Variants in KCNQ1 observed in about 807,000 individuals in gnomAD.
KCNQ1 encodes potassium voltage-gated channel subfamily KQT member 1.
KCNQ1 carries 49 observed loss-of-function variants against 72.4 expected under a neutral mutation model. That is an observed-to-expected ratio of 0.68 (90% confidence interval 0.54 to 0.86). KCNQ1 has a LOEUF of 0.86. KCNQ1 is among the 40% of genes least tolerant of loss of function. The pLI is 0.00. For synonymous variants in KCNQ1, 450 were observed against 412.6 expected, an observed-to-expected ratio of 1.09 and a Z score of -1.10; for missense variants, 790 against 945.1, an observed-to-expected ratio of 0.84 and a Z score of 2.15.
intron 15 of KCNQ1, among the ~76,000 whole-genome samples, chr11:2,820,599 A>G (rs1847712388): frequency 6.6e-6 from 1 of 150,558 alleles, no homozygotes; most frequent in Admixed American, 6.6e-5. Flanking sequence ...TGTTAGTTTC[A>G]CCCACTGTGG....
chr11:2,714,552 T>G (rs1851057213), intron 11 of KCNQ1, among the ~76,000 whole-genome samples: 7 of 151,680 alleles, frequency 4.6e-5, no homozygotes, highest in Admixed American at 4.6e-4. Flanking sequence ...ATGGAGGAGC[T>G]CACAGCTGCA....
intron 15 of KCNQ1, among the ~76,000 whole-genome samples, chr11:2,798,235 C>T (rs1366736414): frequency 1.3e-5 from 2 of 152,220 alleles, no homozygotes; most frequent in East Asian, 3.9e-4. Flanking sequence ...CCGTCCACGC[C>T]CTGGGTTCCC....
Position 2,724,911 on chromosome 11 carries a change from G to C in KCNQ1, c.1515-43933G>C, listed in dbSNP as rs1209300588. On this transcript the variant is annotated intron_variant, in intron 11 of 15. Transcript: ENST00000155840. This position sits in a 1 kb window ranked among gnomAD's most constrained non-coding sequence, Gnocchi z 6.8. ...ACGGTGGTCTCTGTCACAGGGTAGAGATGACTGATCCAGTAACCTGGACAG... is the reference window on the plus strand; with the variant it reads ...ACGGTGGTCTCTGTCACAGGGTAGACATGACTGATCCAGTAACCTGGACAG... Among the ~76,000 whole-genome samples, 1 of 152,220 alleles carries C rather than the reference G, an allele frequency of 6.6e-6. No individual in the cohort carries two copies. Among genetic ancestry groups the C allele is most frequent in the Non-Finnish European group, 1.5e-5 (1 of 68,038 alleles).
In KCNQ1 at chr11:2,546,230, T is replaced by C. The variant is rs986693986; in HGVS notation, c.477+18212T>C. 2.0e-5 allele frequency among the ~76,000 whole-genome samples: 3 copies of C among 152,214 alleles called. No individual in the cohort carries two copies. In the East Asian group the frequency reaches 5.8e-4, roughly 29 times the overall value. Reference sequence around the variant, plus strand: ...GGTGTATGCATTATTTAAAAGTGTATTCAAAACATTTAGGGATTTTCAAGA... The same window carrying C: ...GGTGTATGCATTATTTAAAAGTGTACTCAAAACATTTAGGGATTTTCAAGA... On this transcript the variant is annotated intron_variant, in intron 2 of 15. Coordinates refer to ENST00000155840, the MANE Select transcript of KCNQ1 (RefSeq NM_000218.3).
chr11:2,775,398 A>C (rs1217497629), intron 12 of KCNQ1, among the ~76,000 whole-genome samples: 1 of 152,210 alleles, frequency 6.6e-6, no homozygotes, highest in African/African-American at 2.4e-5. Context: ...ACCCACAGCA[A>C]GTGCTGCAGG....
intron 6 of KCNQ1, among the ~76,000 whole-genome samples, chr11:2,580,304 GC>G (rs1848480526): frequency 6.6e-6 from 1 of 152,072 alleles, no homozygotes; most frequent in African/African-American, 2.4e-5. Context: ...GCCCCTTGGT[GC>G]CCCTGACGGA....
At chr11:2,512,249 C>T (rs915478036) in intron 1 of KCNQ1, among the ~76,000 whole-genome samples, 5 of 152,218 alleles carry the variant, frequency 3.3e-5, no homozygotes, top group African/African-American at 9.6e-5. Flanking sequence ...GACTCAGGGC[C>T]CTACGGGTGC....
chr11:2,458,683 G>GGATCGATC lies in KCNQ1; in HGVS notation c.386+13204_386+13211dup, dbSNP rs1359088057. Among the ~76,000 whole-genome samples the GGATCGATC allele has an allele frequency of 1.0e-4, 13 of 127,240 alleles. No homozygotes were observed. Among genetic ancestry groups the GGATCGATC allele is most frequent in the African/African-American group, 4.2e-4 (13 of 31,104 alleles). The allele number at this position is 127,240 out of a possible 152,430, so 83.5% of individuals were successfully genotyped here. On this transcript the variant is annotated intron_variant, in intron 1 of 15. Coordinates refer to ENST00000155840, the MANE Select transcript of KCNQ1 (RefSeq NM_000218.3). The surrounding 1 kb of genome is among the most constrained non-coding windows in gnomAD (Gnocchi z 4.6). Reference sequence around the variant, plus strand: ...TGGATGGATGGATGGATGGATGGATGGATCGATCGATCTCACCAAGCCTCG... The same window carrying GGATCGATC: ...TGGATGGATGGATGGATGGATGGATGGATCGATCGATCGATCGATCTCACCAAGCCTCG...
At position 2,664,402 on chromosome 11, in the gene KCNQ1, G is replaced by A. The variant is rs1300948764; in HGVS notation, c.1514+2321G>A. ...TCCCTCCAGAGAGGCCTGAAGGGGA[G>A]AGTGGGCACGTACAGTGTCAGGGCC... is the stretch of plus-strand genomic sequence containing the variant. On this transcript the variant is annotated intron_variant, in intron 11 of 15. Transcript: ENST00000155840. The surrounding 1 kb of genome is among the most constrained non-coding windows in gnomAD (Gnocchi z 5.1). The A allele has an allele frequency of 1.0e-5, 4 of 398,762 alleles. No homozygotes were observed. Among genetic ancestry groups the A allele is most frequent in the Non-Finnish European group, 1.8e-5 (4 of 226,154 alleles). The allele number at this position is 398,762 out of a possible 1,614,324, so 24.7% of individuals were successfully genotyped here. A position where few individuals can be genotyped will look rare whatever the true frequency, so the allele number is the denominator to read the frequency against.
In KCNQ1 at chr11:2,653,445, T is replaced by G. The variant is rs898561789; in HGVS notation, c.1394-8516T>G. 3.0e-5 allele frequency: 12 copies of G among 398,444 alleles called. No individual in the cohort carries two copies. Among genetic ancestry groups the G allele is most frequent in the Middle Eastern group, 6.2e-4 (1 of 1,610 alleles). The allele number at this position is 398,444 out of a possible 1,614,324, so 24.7% of individuals were successfully genotyped here. On this transcript the variant is annotated intron_variant, in intron 10 of 15. Transcript: ENST00000155840. The surrounding 1 kb of genome is among the most constrained non-coding windows in gnomAD (Gnocchi z 5.3). ...AACAAGCTTAAGCACAAAAGGGACA[T>G]TTTTTGGCTCACACAGCTGGACCCA...
chr11:2,774,768 A>G (rs1261797009), intron 12 of KCNQ1, among the ~76,000 whole-genome samples: 1 of 152,146 alleles, frequency 6.6e-6, no homozygotes, highest in Non-Finnish European at 1.5e-5. Context: ...GCATCCTCAG[A>G]TTAAGGTCAC....
rs561880961 is a variant in KCNQ1 at position 2,743,570 on chromosome 11, C to G, written c.1515-25274C>G. ...GCAGGGAAGGGAAGGGGCTCGAATC[C>G]CTACGCCAGTCCCTGCATGGCCCTA... is the stretch of plus-strand genomic sequence containing the variant. On this transcript the variant is annotated intron_variant, in intron 11 of 15. Transcript: ENST00000155840. Among the ~76,000 whole-genome samples the G allele has an allele frequency of 2.0e-5, 3 of 152,330 alleles. No homozygotes were observed. In the East Asian group the frequency reaches 5.8e-4, roughly 29 times the overall value.
intron 11 of KCNQ1, among the ~76,000 whole-genome samples, chr11:2,753,985 T>TA (rs1846263226): frequency 6.6e-6 from 1 of 152,150 alleles, no homozygotes; most frequent in South Asian, 2.1e-4. Context: ...TTGACCCAAT[T>TA]AAAAAATGGG....
chr11:2,752,651 TC>T lies in KCNQ1; in HGVS notation c.1515-16191del, dbSNP rs1237494095. ...CAAACAAGCTCCCTCAGGCCTCCTT[TC>T]CAAGGGCACGCATCCTCTTCCTGAA... On this transcript the variant is annotated intron_variant, in intron 11 of 15. Coordinates refer to ENST00000155840, the MANE Select transcript of KCNQ1 (RefSeq NM_000218.3). The surrounding 1 kb of genome is among the most constrained non-coding windows in gnomAD (Gnocchi z 5.2). Among the ~76,000 whole-genome samples the T allele has an allele frequency of 6.6e-6, 1 of 152,086 alleles. No individual in the cohort carries two copies. Among genetic ancestry groups the T allele is most frequent in the African/African-American group, 2.4e-5 (1 of 41,410 alleles).
intron 11 of KCNQ1, chr11:2,692,709 G>A (rs1850608417): frequency 5.0e-6 from 2 of 398,536 alleles, no homozygotes; most frequent in South Asian, 2.5e-4. Flanking sequence ...ACTAACCCTG[G>A]GAGGGTAGGC....
At position 2,526,180 on chromosome 11, in the gene KCNQ1, G is replaced by A. The variant is rs1272692540; in HGVS notation, c.387-1748G>A. On this transcript the variant is annotated intron_variant, in intron 1 of 15. Coordinates refer to ENST00000155840, the MANE Select transcript of KCNQ1 (RefSeq NM_000218.3). This position sits in a 1 kb window ranked among gnomAD's most constrained non-coding sequence, Gnocchi z 6.1. ...TGGGGTGATCTGGGGCCATCGTGGT[G>A]TAAATACTGGGGCACGACATGGAGG... Among the ~76,000 whole-genome samples the A allele has an allele frequency of 6.6e-6, 1 of 152,186 alleles. No homozygotes were observed. The highest frequency in any genetic ancestry group is 2.4e-5 in the African/African-American group (1 of 41,444).
chr11:2,528,760 G>A (rs1847555790), intron 2 of KCNQ1, among the ~76,000 whole-genome samples: 1 of 152,230 alleles, frequency 6.6e-6, no homozygotes, highest in African/African-American at 2.4e-5. Flanking sequence ...AAGGAAGAGA[G>A]TGTCACGACT....
chr11:2,527,789 T>C lies in KCNQ1; in HGVS notation c.387-139T>C, dbSNP rs549139238. ...CTACCTCTAGTGTGTGCTTACCAGCTAATGGATGACTGGGTTTTCGAAGCA... is the reference window on the plus strand; with the variant it reads ...CTACCTCTAGTGTGTGCTTACCAGCCAATGGATGACTGGGTTTTCGAAGCA... On this transcript the variant is annotated intron_variant, in intron 1 of 15. Coordinates refer to ENST00000155840, the MANE Select transcript of KCNQ1 (RefSeq NM_000218.3). 3 of 741,218 alleles carry C rather than the reference T, an allele frequency of 4.0e-6. No homozygotes were observed. In the South Asian group the frequency reaches 4.4e-5, roughly 11 times the overall value. The allele number at this position is 741,218 out of a possible 1,614,324, so 45.9% of individuals were successfully genotyped here. A position where few individuals can be genotyped will look rare whatever the true frequency, so the allele number is the denominator to read the frequency against.
rs201239388 is a variant in KCNQ1, at chr11:2,697,297, A to G, written c.1514+35216A>G. 4.5e-4 allele frequency: 179 copies of G among 398,594 alleles called. 1 individual carries two copies. Among genetic ancestry groups the G allele is most frequent in the East Asian group, 3.8e-3 (107 of 28,062 alleles). The allele number at this position is 398,594 out of a possible 1,614,324, so 24.7% of individuals were successfully genotyped here. A position where few individuals can be genotyped will look rare whatever the true frequency, so the allele number is the denominator to read the frequency against. On this transcript the variant is annotated intron_variant, in intron 11 of 15. Coordinates refer to ENST00000155840, the MANE Select transcript of KCNQ1 (RefSeq NM_000218.3). ...GAATACAACAAGTCGTAACACCAAA[A>G]TGTTTGAGAATCTTTATGGAGACCA...
Sources: gnomAD v4.1 joint callset for allele counts (sites outside exome capture counted in the v4.1 genomes callset) on GRCh38, gnomAD v4.1.1 for gene constraint, Gnocchi (gnomAD v3.1) non-coding constraint, MANE v1.5 for transcripts, NCBI Gene and HGNC (gene_info 2026-07-23, HGNC 2026-07-21) for gene names.